The following S100Z variants were observed in gnomAD, a reference collection of about 807,000 sequenced individuals.
S100Z encodes protein S100-Z.
S100Z carries 11 observed loss-of-function variants against 8.5 expected under a neutral mutation model. The observed-to-expected ratio is 1.30, with a 90% CI of 0.82 to 2.15. The LOEUF (loss-of-function observed/expected upper bound fraction) is 2.15. S100Z is among the 30% of genes most tolerant of loss of function. The pLI is 0.00. For missense variants in S100Z, 126 were observed against 117.9 expected (o/e 1.07, Z -0.32); for synonymous variants, 34 against 43.8 (o/e 0.78, Z 0.89).
rs192218029 is a variant in S100Z, at chr5:76,863,833, C to T, written c.-175-6333C>T. Among the ~76,000 whole-genome samples the T allele has an allele frequency of 2.3e-3, 346 of 152,272 alleles. 1 individual carries two copies. Among genetic ancestry groups the T allele is most frequent in the South Asian group, 4.1e-3 (20 of 4,824 alleles). On this transcript the variant is annotated intron_variant, in intron 1 of 4. Transcript: ENST00000317593. ...GATTACAGGTGTGAGCCACTGCGCC[C>T]GGCCAATTATATTATCTCTTGAAGG...
the S100Z span, chr5:76,952,677 A>C: frequency 6.0e-6 from 1 of 167,388 alleles, no homozygotes; most frequent in Non-Finnish European, 1.3e-5. Flanking sequence ...TAGGCTCTAT[A>C]TGTTTGGGTA....
At chr5:76,860,086 C>G (rs1751012547) in intron 1 of S100Z, among the ~76,000 whole-genome samples, 1 of 152,148 alleles carries the variant, frequency 6.6e-6, no homozygotes, top group African/African-American at 2.4e-5. Flanking sequence ...TAAAAGTTGA[C>G]TCTAGATGCT....
chr5:76,857,059 C>T (rs1750900945), intron 1 of S100Z, among the ~76,000 whole-genome samples: 1 of 152,058 alleles, frequency 6.6e-6, no homozygotes, highest in South Asian at 2.1e-4. Context: ...TTTGGGAGGC[C>T]AAGGCAGGCA....
At chr5:76,935,361 T>C in the S100Z span, among the ~76,000 whole-genome samples, 2 of 152,202 alleles carry the variant, frequency 1.3e-5, no homozygotes, top group African/African-American at 4.8e-5. Context: ...TGATTACTAA[T>C]TTGACACATC....
chr5:76,938,531 G>A, the S100Z span, among the ~76,000 whole-genome samples: 2 of 152,136 alleles, frequency 1.3e-5, no homozygotes, highest in African/African-American at 2.4e-5. Flanking sequence ...CTTCACTTGG[G>A]GGCATCACTT....
At chr5:76,939,720 C>T in the S100Z span, among the ~76,000 whole-genome samples, 6 of 151,182 alleles carry the variant, frequency 4.0e-5, no homozygotes, top group African/African-American at 1.5e-4. Context: ...ACAATGTTGG[C>T]TAGGCCGGTC....
chr5:76,873,243 A>T (rs1743069038), intron 2 of S100Z, among the ~76,000 whole-genome samples: 2 of 152,006 alleles, frequency 1.3e-5, no homozygotes, highest in South Asian at 4.1e-4. Flanking sequence ...AGAGAATTTT[A>T]CTATTTCATA....
intron 4 of S100Z, among the ~76,000 whole-genome samples, chr5:76,892,849 A>C (rs903121672): frequency 6.6e-6 from 1 of 152,170 alleles, no homozygotes; most frequent in Non-Finnish European, 1.5e-5. Flanking sequence ...TAGAAGAAGC[A>C]ATCAAGTATG....
At chr5:76,854,958 A>C (rs1750840467) in intron 1 of S100Z, among the ~76,000 whole-genome samples, 1 of 152,234 alleles carries the variant, frequency 6.6e-6, no homozygotes, top group Non-Finnish European at 1.5e-5. Context: ...TTCCAGTTCC[A>C]GCTCCAGTTC....
the S100Z span, among the ~76,000 whole-genome samples, chr5:76,945,958 A>G: frequency 6.6e-6 from 1 of 152,146 alleles, no homozygotes; most frequent in South Asian, 2.1e-4. Context: ...TCAGGAATTG[A>G]GGTACTCCAA....
intron 4 of S100Z, among the ~76,000 whole-genome samples, chr5:76,914,368 G>A (rs1470667795): frequency 2.3e-5 from 1 of 43,478 alleles, no homozygotes; most frequent in African/African-American, 1.6e-4. Context: ...TAGCTAAAAG[G>A]TTTGTAAACA....
intron 1 of S100Z, among the ~76,000 whole-genome samples, chr5:76,864,399 T>A (rs1751191060): frequency 3.4e-5 from 4 of 116,146 alleles, no homozygotes; most frequent in African/African-American, 1.6e-4. Flanking sequence ...TTTTTTTTTT[T>A]TTTTTTTTTT....
At chr5:76,889,007 AAGAGCCT>A (rs1170889535) in intron 4 of S100Z, among the ~76,000 whole-genome samples, 1 of 152,158 alleles carries the variant, frequency 6.6e-6, no homozygotes, top group African/African-American at 2.4e-5. Context: ...TTTGCATATT[AAGAGCCT>A]AGGGTGGGAG....
intron 3 of S100Z, among the ~76,000 whole-genome samples, chr5:76,876,253 C>T (rs143932952): frequency 4.6e-5 from 7 of 152,264 alleles, no homozygotes; most frequent in Non-Finnish European, 8.8e-5. Flanking sequence ...TTTCTCCCCA[C>T]CCTCTATTTG....
intron 4 of S100Z, among the ~76,000 whole-genome samples, chr5:76,903,190 A>AAT (rs1035341674): frequency 6.6e-6 from 1 of 152,160 alleles, no homozygotes. Flanking sequence ...CATCTCAAAA[A>AAT]ATATATATAA....
At chr5:76,887,158 G>A (rs1170681745) in intron 4 of S100Z, among the ~76,000 whole-genome samples, 3 of 148,494 alleles carry the variant, frequency 2.0e-5, no homozygotes, top group Non-Finnish European at 4.5e-5. Flanking sequence ...GTGCAGTGGC[G>A]CAATCTCAGC....
chr5:76,918,285 C>T (rs1262763574), intron 4 of S100Z, among the ~76,000 whole-genome samples: 3 of 152,198 alleles, frequency 2.0e-5, no homozygotes, highest in African/African-American at 7.2e-5. Context: ...CAGCTCGCTG[C>T]AACTTCTGCC....
At chr5:76,876,117 A>G (rs796315183) in intron 3 of S100Z, among the ~76,000 whole-genome samples, 7 of 152,180 alleles carry the variant, frequency 4.6e-5, no homozygotes, top group African/African-American at 9.6e-5. Flanking sequence ...TCCAAGGAAA[A>G]CACTTCACGC....
chr5:76,906,970 GTGTGTGTATATATATATATA>G (rs1490961921), intron 4 of S100Z, among the ~76,000 whole-genome samples: 1 of 26,088 alleles, frequency 3.8e-5, no homozygotes, highest in African/African-American at 3.4e-4. Flanking sequence ...ATTCCATTGT[GTGTGTGTATATATATATATA>G]TATATATATA....
Sources: allele counts gnomAD v4.1 joint callset (sites outside exome capture counted in the v4.1 genomes callset), GRCh38; gene constraint gnomAD v4.1.1; transcripts MANE v1.5; gene names NCBI Gene and HGNC (gene_info 2026-07-23, HGNC 2026-07-21).